Variants in GPC5 observed in about 807,000 individuals in gnomAD.
GPC5 encodes the protein glypican 5.
Under a neutral mutation model 53.9 loss-of-function variants are expected in GPC5, and 47 were observed. The observed-to-expected ratio is 0.87, with a 90% CI of 0.69 to 1.11. The LOEUF is 1.11. Ranked by LOEUF, GPC5 falls within the 50% of genes most tolerant of loss-of-function variation. The probability of loss-of-function intolerance (pLI) is 0.00; values close to 1 mark genes in which losing one functional copy is unlikely to be tolerated. For missense variants in GPC5, 748 were observed against 713.1 expected (o/e 1.05, Z -0.56); for synonymous variants, 286 against 263.3 (o/e 1.09, Z -0.84).
intron 7 of GPC5, among the ~76,000 whole-genome samples, chr13:92,737,883 C>T (rs1294385833): frequency 6.7e-6 from 1 of 148,656 alleles, no homozygotes; most frequent in Non-Finnish European, 1.5e-5. Context: ...TCTCCTGCCT[C>T]AGCCTGCTGT....
At chr13:92,108,664 C>T (rs1250764473) in intron 6 of GPC5, among the ~76,000 whole-genome samples, 2 of 152,152 alleles carry the variant, frequency 1.3e-5, no homozygotes, top group Admixed American at 6.5e-5. Flanking sequence ...GTTGACTATT[C>T]GCAATCCTAT....
intron 7 of GPC5, among the ~76,000 whole-genome samples, chr13:92,180,302 A>T (rs2042137474): frequency 6.6e-6 from 1 of 152,244 alleles, no homozygotes; most frequent in South Asian, 2.1e-4. Flanking sequence ...AAGAAATTCC[A>T]TAATCTTTAA....
rs536812778 is a variant in GPC5, at chr13:91,482,292, G to T, written c.325+33370G>T. ...GTGTTCTTCCTCTTGGGAGAATGTA[G>T]TGTTCAAGGTACCATCTTGGAATCA... On this transcript the variant is annotated intron_variant, in intron 2 of 7. Coordinates refer to ENST00000377067, the MANE Select transcript of GPC5 (RefSeq NM_004466.6). Among the ~76,000 whole-genome samples, 67 of 152,272 alleles carry T rather than the reference G, an allele frequency of 4.4e-4. 1 individual carries two copies. The highest frequency in any genetic ancestry group is 3.1e-3 in the Admixed American group (47 of 15,294).
chr13:92,655,562 T>C (rs2139174060), intron 7 of GPC5, among the ~76,000 whole-genome samples: 1 of 152,274 alleles, frequency 6.6e-6, no homozygotes, highest in East Asian at 1.9e-4. Flanking sequence ...TTCGAACTCC[T>C]GACCTCTGGT....
At chr13:91,968,455 T>C (rs1439383889) in intron 6 of GPC5, among the ~76,000 whole-genome samples, 5 of 152,102 alleles carry the variant, frequency 3.3e-5, no homozygotes, top group Non-Finnish European at 7.4e-5. Flanking sequence ...TTAATGATGC[T>C]TCTTTTTTTT....
chr13:91,698,548 T>C (rs1419850508), intron 3 of GPC5, among the ~76,000 whole-genome samples: 2 of 152,192 alleles, frequency 1.3e-5, no homozygotes, highest in African/African-American at 4.8e-5. Context: ...GTCCAATTTA[T>C]TCAATGATGT....
intron 7 of GPC5, among the ~76,000 whole-genome samples, chr13:92,679,426 C>G (rs1887047912): frequency 6.6e-6 from 1 of 152,176 alleles, no homozygotes; most frequent in African/African-American, 2.4e-5. Flanking sequence ...TCAGATAGGA[C>G]TATATCACTT....
chr13:91,998,852 T>C (rs9589395), intron 6 of GPC5, among the ~76,000 whole-genome samples: 9,952 of 152,192 alleles, frequency 0.065, 1,122 homozygotes, highest in African/African-American at 0.22. Context: ...ACCTAAACCA[T>C]CCGTCCAAGC....
rs941745947 is a variant in GPC5 at position 91,505,773 on chromosome 13, T to C, written c.325+56851T>C. Among the ~76,000 whole-genome samples the C allele has an allele frequency of 7.9e-5, 12 of 152,284 alleles. No homozygotes were observed. In the South Asian group the frequency reaches 2.5e-3, roughly 32 times the overall value. On this transcript the variant is annotated intron_variant, in intron 2 of 7. Transcript: ENST00000377067. ...TTTTGGTAGGGGAAATCCATAAGTG[T>C]ATGGATGTAAGATACCACTTTAACT...
intron 6 of GPC5, among the ~76,000 whole-genome samples, chr13:92,069,271 T>C (rs192290662): frequency 1.8e-4 from 28 of 152,284 alleles, no homozygotes; most frequent in African/African-American, 6.0e-4. Context: ...TATAGTTTGA[T>C]AGAAAATTTT....
At chr13:92,011,723 A>G (rs1332347350) in intron 6 of GPC5, among the ~76,000 whole-genome samples, 1 of 152,232 alleles carries the variant, frequency 6.6e-6, no homozygotes, top group Non-Finnish European at 1.5e-5. Flanking sequence ...ACATTTAAAA[A>G]TCATTTATAT....
chr13:92,622,372 G>A (rs915298753), intron 7 of GPC5, among the ~76,000 whole-genome samples: 8 of 152,106 alleles, frequency 5.3e-5, no homozygotes, highest in African/African-American at 1.7e-4. Flanking sequence ...GATGCTGCAC[G>A]CTCCATTTTT....
intron 7 of GPC5, among the ~76,000 whole-genome samples, chr13:92,475,059 T>G (rs1183775628): frequency 3.9e-5 from 6 of 152,086 alleles, no homozygotes; most frequent in Admixed American, 3.9e-4. Flanking sequence ...AACCAGGAAG[T>G]ATACTCACAA....
intron 2 of GPC5, among the ~76,000 whole-genome samples, chr13:91,562,402 C>T (rs1423710120): frequency 1.3e-5 from 2 of 151,960 alleles, no homozygotes; most frequent in African/African-American, 4.8e-5. Context: ...GAAAAGAAAT[C>T]ATACACTGAA....
intron 5 of GPC5, among the ~76,000 whole-genome samples, chr13:91,903,177 A>G (rs1474137425): frequency 1.3e-5 from 2 of 152,098 alleles, no homozygotes; most frequent in African/African-American, 4.8e-5. Flanking sequence ...TTTTTAGTAA[A>G]TTAGATCATA....
chr13:92,062,940 G>A (rs1276457538), intron 6 of GPC5, among the ~76,000 whole-genome samples: 1 of 151,918 alleles, frequency 6.6e-6, no homozygotes, highest in East Asian at 1.9e-4. Context: ...TTGAAGTTTG[G>A]GGAGGAAGAC....
At chr13:92,481,015 C>A (rs191519414) in intron 7 of GPC5, among the ~76,000 whole-genome samples, 1 of 152,178 alleles carries the variant, frequency 6.6e-6, no homozygotes, top group Non-Finnish European at 1.5e-5. Flanking sequence ...AGGTTCTCCC[C>A]TAGAACATCC....
chr13:92,527,239 AAGAAAGAAAG>A (rs879740498), intron 7 of GPC5, among the ~76,000 whole-genome samples: 2,193 of 40,310 alleles, frequency 0.054, 317 homozygotes, highest in East Asian at 0.17. Flanking sequence ...GAAAGAAAGA[AAGAAAGAAAG>A]AGAAAGAAAG....
intron 7 of GPC5, among the ~76,000 whole-genome samples, chr13:92,550,702 CA>C (rs1306360333): frequency 1.3e-5 from 2 of 151,780 alleles, no homozygotes; most frequent in African/African-American, 4.8e-5. Flanking sequence ...AAGATTTATG[CA>C]ATTCTTTTTT....
Sources: gnomAD v4.1 joint callset for allele counts (sites outside exome capture counted in the v4.1 genomes callset) on GRCh38, gnomAD v4.1.1 for gene constraint, MANE v1.5 for transcripts, NCBI Gene and HGNC (gene_info 2026-07-23, HGNC 2026-07-21) for gene names.